Variants in MYOM1 observed in about 807,000 individuals in gnomAD.
MYOM1 encodes the protein myomesin 1, also known as myomesin-1.
In MYOM1, 164 loss-of-function variants were observed where a neutral mutation model predicts 205.3. That is an observed-to-expected ratio of 0.80 (90% CI 0.70 to 0.91). MYOM1 has a LOEUF of 0.91. Ranked by LOEUF, MYOM1 falls within the 40% of genes least tolerant of loss-of-function variation. MYOM1 has a pLI of 0.00. For missense variants in MYOM1, 2,011 were observed against 2,127.3 expected, an observed-to-expected ratio of 0.95 and a Z score of 1.08; for synonymous variants, 772 against 789.4, an observed-to-expected ratio of 0.98 and a Z score of 0.37.
chr18:3,084,771 T>C lies in MYOM1; in HGVS notation c.4339+274A>G, dbSNP rs77932232. ...TTGAGCCTGGAACATTTTTATAGAGTTGAAACAAAAATGATTTAAATTGAA... is the reference window on the plus strand; with the variant it reads ...TTGAGCCTGGAACATTTTTATAGAGCTGAAACAAAAATGATTTAAATTGAA... On this transcript the variant is annotated intron_variant, in intron 31 of 37. Coordinates refer to ENST00000356443, the MANE Select transcript of MYOM1 (RefSeq NM_003803.4). 0.082 allele frequency among the ~76,000 whole-genome samples: 12,531 copies of C among 152,150 alleles called. 548 individuals carry two copies. The highest frequency in any genetic ancestry group is 0.11 in the African/African-American group (4,427 of 41,488).
rs374778434 is a variant in MYOM1, at chr18:3,169,561, A to C, written c.1175-580T>G. ...CAACCGGTATACGGAAAAATGCTCAACATCACTAATCATTGAGAGAAATGC... is the reference window on the plus strand; with the variant it reads ...CAACCGGTATACGGAAAAATGCTCACCATCACTAATCATTGAGAGAAATGC... On this transcript the variant is annotated intron_variant, in intron 8 of 37. Coordinates refer to ENST00000356443, the MANE Select transcript of MYOM1 (RefSeq NM_003803.4). Among the ~76,000 whole-genome samples the C allele has an allele frequency of 9.3e-4, 141 of 152,354 alleles. No homozygotes were observed. In the South Asian group the frequency reaches 0.023, roughly 25 times the overall value.
intron 5 of MYOM1, among the ~76,000 whole-genome samples, chr18:3,181,113 C>T (rs1200809714): frequency 6.6e-6 from 1 of 152,020 alleles, no homozygotes; most frequent in African/African-American, 2.4e-5. Context: ...TTTTAGTAGA[C>T]ATGGGCTTTC....
chr18:3,174,517 A>C (rs2080607398), intron 6 of MYOM1, among the ~76,000 whole-genome samples: 1 of 152,184 alleles, frequency 6.6e-6, no homozygotes, highest in Non-Finnish European at 1.5e-5. Context: ...TGCTAGGCAC[A>C]TAAATTATAG....
intron 25 of MYOM1, among the ~76,000 whole-genome samples, chr18:3,097,933 C>T (rs947727274): frequency 1.3e-5 from 2 of 152,218 alleles, no homozygotes; most frequent in African/African-American, 2.4e-5. Flanking sequence ...ACACTAAACT[C>T]CAGGGAGGCC....
At chr18:3,107,371 C>T (rs1323378400) in intron 22 of MYOM1, among the ~76,000 whole-genome samples, 1 of 152,222 alleles carries the variant, frequency 6.6e-6, no homozygotes, top group East Asian at 1.9e-4. Context: ...CCCACCTTGG[C>T]CTCCCAAAGT....
intron 19 of MYOM1, among the ~76,000 whole-genome samples, chr18:3,123,316 A>C (rs2079725200): frequency 6.6e-6 from 1 of 152,216 alleles, no homozygotes; most frequent in South Asian, 2.1e-4. Context: ...AAAAGACTAC[A>C]TATAATAATT....
rs749241903 is a variant in MYOM1, at chr18:3,120,547, C to T, written c.2992-552G>A. On this transcript the variant is annotated intron_variant, in intron 19 of 37. Coordinates refer to ENST00000356443, the MANE Select transcript of MYOM1 (RefSeq NM_003803.4). ...AAGAGGAACTCAACATGAATGTGGC[C>T]CAGCTGATAACCGGATTGCAGCCCT... is the stretch of plus-strand genomic sequence containing the variant. 1.4e-3 allele frequency among the ~76,000 whole-genome samples: 220 copies of T among 152,190 alleles called. 2 individuals are homozygous for T. The highest frequency in any genetic ancestry group is 2.5e-3 in the Non-Finnish European group (171 of 68,000).
chr18:3,204,960 G>A (rs2081110962), intron 2 of MYOM1, among the ~76,000 whole-genome samples: 1 of 152,016 alleles, frequency 6.6e-6, no homozygotes, highest in African/African-American at 2.4e-5. Context: ...ATTTAATGGG[G>A]GAAGGGATAA....
intron 23 of MYOM1, 76 bp from the exon 24 acceptor site, chr18:3,100,502 A>G: frequency 9.9e-7 from 1 of 1,006,560 alleles, no homozygotes; most frequent in Non-Finnish European, 1.5e-6. Context: ...GAATCTGGGC[A>G]TTTGTGTATA....
intron 14 of MYOM1, among the ~76,000 whole-genome samples, chr18:3,136,677 CTT>C (rs2079971293): frequency 6.6e-6 from 1 of 152,200 alleles, no homozygotes; most frequent in African/African-American, 2.4e-5. Context: ...GATTCACCCA[CTT>C]CAGCCTCCCA....
At chr18:3,151,556 G>T in intron 12 of MYOM1, 138 bp downstream of exon 12, 1 of 620,746 alleles carries the variant, frequency 1.6e-6, no homozygotes, top group Non-Finnish European at 2.5e-6. Flanking sequence ...CTCCCCCTCG[G>T]ATTTTCTGAT....
intron 35 of MYOM1, 66 bp downstream of exon 35, chr18:3,075,659 A>G (rs2079013309): frequency 1.3e-6 from 2 of 1,534,830 alleles, no homozygotes; most frequent in Non-Finnish European, 1.8e-6. Context: ...CAGAGGGGCG[A>G]GCAGCATGCA....
chr18:3,213,603 G>A (rs1598776444), intron 2 of MYOM1, among the ~76,000 whole-genome samples: 1 of 144,670 alleles, frequency 6.9e-6, no homozygotes, highest in Non-Finnish European at 1.5e-5. Context: ...ACTGCAAAGT[G>A]AACAGGAAAT....
chr18:3,112,962 T>C (rs943540705), intron 21 of MYOM1, among the ~76,000 whole-genome samples: 1 of 152,192 alleles, frequency 6.6e-6, no homozygotes, highest in African/African-American at 2.4e-5. Context: ...TTAATATAGC[T>C]ATTTCTTACT....
chr18:3,189,193 C>CA lies in MYOM1; in HGVS notation c.432-107dup, dbSNP rs894719303. On this transcript the variant is annotated intron_variant, in intron 3 of 37. Coordinates refer to ENST00000356443, the MANE Select transcript of MYOM1 (RefSeq NM_003803.4). The surrounding 1 kb of genome is among the most constrained non-coding windows in gnomAD (Gnocchi z 4.8). ...ACATCTCAGACACTGTATCCTGCAC[C>CA]AAAAGAAAATCCGACATAGAAAAAG... 4.7e-6 allele frequency: 5 copies of CA among 1,059,810 alleles called. No individual in the cohort carries two copies. The African/African-American group carries it at 7.9e-5, about 17-fold the overall frequency. 65.7% of individuals were successfully genotyped at this position (1,059,810 alleles called of 1,614,324 possible). A position where few individuals can be genotyped will look rare whatever the true frequency, so the allele number is the denominator to read the frequency against.
chr18:3,232,494 G>A, the MYOM1 span, among the ~76,000 whole-genome samples: 1 of 152,212 alleles, frequency 6.6e-6, no homozygotes, highest in Admixed American at 6.5e-5. Flanking sequence ...TCACAGTGGA[G>A]CCCGAGAGCA....
chr18:3,128,282 GACAAAGAAAGGTGTCATAAAAC>G (rs770998992), intron 18 of MYOM1, among the ~76,000 whole-genome samples: 31 of 152,144 alleles, frequency 2.0e-4, no homozygotes, highest in Non-Finnish European at 4.0e-4. Flanking sequence ...CGAGTTGAGG[GACAAAGAAAGGTGTCATAAAAC>G]AGAGGAGGTT....
rs2080439543 is a variant in MYOM1, at chr18:3,164,380, G to A, written c.1399C>T (p.Leu467=). 1 of 1,611,584 alleles carries A rather than the reference G, an allele frequency of 6.2e-7. No homozygotes were observed. Among genetic ancestry groups the A allele is most frequent in the African/African-American group, 1.3e-5 (1 of 74,922 alleles). Residue 467 remains leucine (L), a synonymous_variant, in exon 10 of 38, where the codon CTG becomes TTG. Coordinates refer to ENST00000356443, the MANE Select transcript of MYOM1 (RefSeq NM_003803.4). The part of the protein sequence containing the change: ...QTLWSGERAT[L]TFSHLNKEDE... ...TCTTTGTTGAGATGGGAAAATGTCAGCGTTGCCCGCTCTCCACTCCAAAGT... is the reference window on the plus strand; with the variant it reads ...TCTTTGTTGAGATGGGAAAATGTCAACGTTGCCCGCTCTCCACTCCAAAGT...
chr18:3,188,025 G>C (rs2080846212), intron 4 of MYOM1, among the ~76,000 whole-genome samples: 1 of 151,162 alleles, frequency 6.6e-6, no homozygotes, highest in African/African-American at 2.4e-5. Context: ...TTTTAGTAGA[G>C]ATTTTAGGGG....
Sources: gnomAD v4.1 joint callset for allele counts (sites outside exome capture counted in the v4.1 genomes callset) on GRCh38, gnomAD v4.1.1 for gene constraint, Gnocchi (gnomAD v3.1) non-coding constraint, MANE v1.5 for transcripts, NCBI Gene and HGNC (gene_info 2026-07-23, HGNC 2026-07-21) for gene names.